TSPAN9: variants seen among roughly 807,000 people sequenced by gnomAD.
The protein encoded by TSPAN9 is tetraspanin-9.
A neutral mutation model predicts 31.0 loss-of-function variants in TSPAN9; 16 were observed. The observed-to-expected ratio is 0.52, with a 90% CI of 0.35 to 0.78. The LOEUF (loss-of-function observed/expected upper bound fraction) is 0.78, where lower values mean the gene tolerates loss of function less well. Among genes scored for constraint, TSPAN9 ranks in the 30% least tolerant of loss-of-function variants. TSPAN9 has a pLI of 0.01. For missense variants in TSPAN9, 272 were observed against 312.5 expected (o/e 0.87, Z 0.98); for synonymous variants, 145 against 121.6 (o/e 1.19, Z -1.27).
chr12:3,164,429 C>G (rs576044932), intron 2 of TSPAN9, among the ~76,000 whole-genome samples: 3 of 152,214 alleles, frequency 2.0e-5, no homozygotes, highest in Non-Finnish European at 4.4e-5. Context: ...AACAAATCAT[C>G]CTTGATTTGA....
At chr12:3,131,128 G>GAAAAAA (rs144013286) in intron 2 of TSPAN9, among the ~76,000 whole-genome samples, 1 of 140,386 alleles carries the variant, frequency 7.1e-6, no homozygotes, top group Non-Finnish European at 1.6e-5. Context: ...CCACTTTTGG[G>GAAAAAA]GAAAAAAAAA....
In TSPAN9 at chr12:3,170,644, C is replaced by G. The variant is rs993276674; in HGVS notation, c.-17-30533C>G. 5.9e-5 allele frequency among the ~76,000 whole-genome samples: 9 copies of G among 152,108 alleles called. No individual in the cohort carries two copies. The highest frequency in any genetic ancestry group is 2.2e-4 in the African/African-American group (9 of 41,414). On this transcript the variant is annotated intron_variant, in intron 2 of 8. Transcript: ENST00000011898. This position sits in a 1 kb window ranked among gnomAD's most constrained non-coding sequence, Gnocchi z 4.4. ...GCCCTGGTCATGCATGTGGCTTCTC[C>G]TGGCCACAGAGCACCTTATCTGTAG... is the stretch of plus-strand genomic sequence containing the variant.
chr12:3,152,597 C>CTTTCTTTTTTTT (rs1555145758), intron 2 of TSPAN9, among the ~76,000 whole-genome samples: 23 of 151,086 alleles, frequency 1.5e-4, no homozygotes, highest in African/African-American at 4.6e-4. Context: ...TCTTTTCTTT[C>CTTTCTTTTTTTT]TTTTTTGAGA....
chr12:3,236,508 C>T (rs930309392), intron 3 of TSPAN9, among the ~76,000 whole-genome samples: 4 of 152,166 alleles, frequency 2.6e-5, no homozygotes, highest in Non-Finnish European at 5.9e-5. Context: ...GAGGCCCGTG[C>T]CCTTCGCTGC....
intron 3 of TSPAN9, among the ~76,000 whole-genome samples, chr12:3,231,833 G>A (rs905941798): frequency 2.0e-5 from 3 of 152,200 alleles, no homozygotes; most frequent in Non-Finnish European, 2.9e-5. Context: ...CCGCTGTCGC[G>A]TGCATGCCCA....
At chr12:3,214,882 T>A (rs938885516) in intron 3 of TSPAN9, among the ~76,000 whole-genome samples, 26 of 151,814 alleles carry the variant, frequency 1.7e-4, no homozygotes, top group Non-Finnish European at 1.5e-5. Flanking sequence ...TTCTTGTTTC[T>A]TCCTCCTTCC....
In TSPAN9 at chr12:3,229,958, G is replaced by A. The variant is rs1462911424; in HGVS notation, c.63+28702G>A. ...TGGATACATTTGCCTCTTAAGCCCT[G>A]GGTTGGAGAGAATCCAGGGCTGGGT... On this transcript the variant is annotated intron_variant, in intron 3 of 8. Coordinates refer to ENST00000011898, the MANE Select transcript of TSPAN9 (RefSeq NM_006675.5). Among the ~76,000 whole-genome samples, 20 of 152,202 alleles carry A rather than the reference G, an allele frequency of 1.3e-4. 1 individual carries two copies. Among genetic ancestry groups the A allele is most frequent in the Non-Finnish European group, 2.9e-4 (20 of 68,034 alleles).
intron 2 of TSPAN9, among the ~76,000 whole-genome samples, chr12:3,100,178 CTCTG>C (rs2098311207): frequency 1.3e-5 from 2 of 152,184 alleles, no homozygotes; most frequent in African/African-American, 2.4e-5. Context: ...GGAATGTGAA[CTCTG>C]TCTGGCCCTG....
At chr12:3,094,969 A>G (rs1217270607) in intron 2 of TSPAN9, among the ~76,000 whole-genome samples, 27 of 118,632 alleles carry the variant, frequency 2.3e-4, no homozygotes, top group African/African-American at 9.0e-4. Context: ...GTCAGCAGAT[A>G]AACAAGTGAA....
chr12:3,140,549 T>C (rs115731069), intron 2 of TSPAN9, among the ~76,000 whole-genome samples: 28 of 152,242 alleles, frequency 1.8e-4, no homozygotes, highest in African/African-American at 6.7e-4. Context: ...TCAGAGGGTT[T>C]CTTAGGAGCA....
Position 3,220,907 on chromosome 12 carries a change from G to A in TSPAN9, c.63+19651G>A, listed in dbSNP as rs112405176. ...CACATTGGCCTTTCCCTGTGAGGTGGTTCCTGACTCTGGGGCCATCCTTCA... is the reference window on the plus strand; with the variant it reads ...CACATTGGCCTTTCCCTGTGAGGTGATTCCTGACTCTGGGGCCATCCTTCA... On this transcript the variant is annotated intron_variant, in intron 3 of 8. Transcript: ENST00000011898. 8.7e-3 allele frequency among the ~76,000 whole-genome samples: 1,327 copies of A among 152,266 alleles called. 23 individuals are homozygous for A. Among genetic ancestry groups the A allele is most frequent in the African/African-American group, 0.031 (1,270 of 41,546 alleles).
chr12:3,200,038 CT>C (rs1426960119), intron 2 of TSPAN9: 2 of 152,766 alleles, frequency 1.3e-5, no homozygotes, highest in East Asian at 3.9e-4. Flanking sequence ...CCGTGGGTAC[CT>C]CCAGCCATCC....
intron 2 of TSPAN9, chr12:3,150,909 C>G (rs2098339422): frequency 6.6e-6 from 1 of 152,278 alleles, no homozygotes; most frequent in African/African-American, 2.4e-5. Flanking sequence ...GCCCCTTCAT[C>G]CAAGCCTTTG....
rs182743361 is a variant in TSPAN9 at position 3,214,245 on chromosome 12, T to G, written c.63+12989T>G. On this transcript the variant is annotated intron_variant, in intron 3 of 8. Coordinates refer to ENST00000011898, the MANE Select transcript of TSPAN9 (RefSeq NM_006675.5). The stretch of plus-strand genomic sequence containing the variant: ...TAAGGAGCTGATGATTATTGAGATA[T>G]TTTATCTTCCTTATCCTCATAGTAG... Among the ~76,000 whole-genome samples, 3 of 152,366 alleles carry G rather than the reference T, an allele frequency of 2.0e-5. No homozygotes were observed. The East Asian group carries it at 5.8e-4, about 29-fold the overall frequency.
intron 3 of TSPAN9, among the ~76,000 whole-genome samples, chr12:3,258,887 C>A (rs1233825356): frequency 6.6e-6 from 1 of 152,170 alleles, no homozygotes; most frequent in Admixed American, 6.5e-5. Flanking sequence ...CATTGCCCCC[C>A]ACTGTCTCTT....
chr12:3,128,778 T>C (rs1565585592), intron 2 of TSPAN9, among the ~76,000 whole-genome samples: 1 of 152,240 alleles, frequency 6.6e-6, no homozygotes, highest in Non-Finnish European at 1.5e-5. Flanking sequence ...TTGTGAAATA[T>C]ACGCAACATA....
chr12:3,109,814 A>AC (rs1349692758), intron 2 of TSPAN9, among the ~76,000 whole-genome samples: 1 of 140,374 alleles, frequency 7.1e-6, no homozygotes, highest in Non-Finnish European at 1.6e-5. Context: ...AAAAAAAAAA[A>AC]AGACTTTTTA....
At chr12:3,211,073 G>T (rs1324734453) in intron 3 of TSPAN9, among the ~76,000 whole-genome samples, 3 of 152,176 alleles carry the variant, frequency 2.0e-5, no homozygotes, top group African/African-American at 7.2e-5. Context: ...TAGTAAGACA[G>T]TGCTTGTCGC....
At position 3,284,507 on chromosome 12, in the gene TSPAN9, C is replaced by T. The variant is rs563545555; in HGVS notation, c.*1391C>T. 7.9e-5 allele frequency: 12 copies of T among 152,738 alleles called. No individual in the cohort carries two copies. Among genetic ancestry groups the T allele is most frequent in the African/African-American group, 2.4e-4 (10 of 41,534 alleles). The allele number at this position is 152,738 out of a possible 1,614,324, so 9.5% of individuals were successfully genotyped here. On this transcript the variant is annotated 3_prime_UTR_variant, in exon 9 of 9. Coordinates refer to ENST00000011898, the MANE Select transcript of TSPAN9 (RefSeq NM_006675.5). ...TCCCAAGGAGAAGAAATACAGAAAA[C>T]CCAAGAGAGGTCAGACTGGCTCTTG...
Sources: allele counts gnomAD v4.1 joint callset (sites outside exome capture counted in the v4.1 genomes callset), GRCh38; gene constraint gnomAD v4.1.1; non-coding constraint Gnocchi (gnomAD v3.1); transcripts MANE v1.5; gene names NCBI Gene and HGNC (gene_info 2026-07-23, HGNC 2026-07-21).